Variants in UROS observed in about 807,000 individuals in gnomAD.
UROS encodes uroporphyrinogen III synthase.
Under a neutral mutation model 33.0 loss-of-function variants are expected in UROS, and 18 were observed. The ratio of observed to expected loss-of-function variants is 0.55; its 90% CI spans 0.38 to 0.81. UROS has a LOEUF of 0.81. UROS is among the 30% of genes least tolerant of loss of function. UROS has a pLI of 0.00. For synonymous variants in UROS, 114 were observed against 121.1 expected, an observed-to-expected ratio of 0.94 and a Z score of 0.38; for missense variants, 293 against 314.9, an observed-to-expected ratio of 0.93 and a Z score of 0.53.
At chr10:125,794,397 G>A (rs1851175454) in intron 9 of UROS, 1 of 1,007,950 alleles carries the variant, frequency 9.9e-7, no homozygotes, top group African/African-American at 1.7e-5. Flanking sequence ...TTCTATTACA[G>A]ACACAAGAGT....
At chr10:125,810,112 A>G (rs1460014177) in intron 5 of UROS, among the ~76,000 whole-genome samples, 2 of 152,114 alleles carry the variant, frequency 1.3e-5, no homozygotes, top group African/African-American at 4.8e-5. Context: ...GTGGCTCTTG[A>G]CTAGAGGGCT....
chr10:125,808,346 GC>G, intron 5 of UROS, among the ~76,000 whole-genome samples: 1 of 151,778 alleles, frequency 6.6e-6, no homozygotes, highest in Non-Finnish European at 1.5e-5. Flanking sequence ...AACACCAGCA[GC>G]TTTTAACTTA....
Position 125,799,769 on chromosome 10 carries a change from A to G in UROS, c.395-1624T>C, listed in dbSNP as rs138549327. 6.8e-4 allele frequency among the ~76,000 whole-genome samples: 103 copies of G among 152,352 alleles called. 1 individual carries two copies. The highest frequency in any genetic ancestry group is 3.9e-4 in the East Asian group (2 of 5,180). ...TTCACTGAAAAGGCACCACCCTGTC[A>G]GCAGAAAGGAGAAAATTGAAAATGT... On this transcript the variant is annotated intron_variant, in intron 6 of 9. Coordinates refer to ENST00000368797, the MANE Select transcript of UROS (RefSeq NM_000375.3).
chr10:125,816,384 C>T, intron 2 of UROS, 53 bp downstream of exon 2: 1 of 1,609,584 alleles, frequency 6.2e-7, no homozygotes, highest in Admixed American at 1.7e-5. Context: ...TGCTCCAGGC[C>T]CCTTGACTCA....
At chr10:125,795,035 T>G in intron 8 of UROS, 57 bp from the exon 9 acceptor site, 3 of 1,492,158 alleles carry the variant, frequency 2.0e-6, no homozygotes, top group Non-Finnish European at 1.9e-6. Flanking sequence ...AGAGACAACA[T>G]TCCTCCGGCT....
intron 6 of UROS, among the ~76,000 whole-genome samples, chr10:125,806,211 A>G (rs1036000402): frequency 6.6e-6 from 1 of 152,226 alleles, no homozygotes; most frequent in Non-Finnish European, 1.5e-5. Flanking sequence ...AAAGGCCAAC[A>G]TCACCTTTAG....
intron 5 of UROS, among the ~76,000 whole-genome samples, chr10:125,810,518 C>T (rs1852713692): frequency 1.3e-5 from 2 of 152,142 alleles, no homozygotes; most frequent in Non-Finnish European, 2.9e-5. Flanking sequence ...ACAGAGAAGC[C>T]CACTAAATCA....
In UROS at chr10:125,816,436, C is replaced by T. The variant is rs373864821; in HGVS notation, c.63+1G>A. ...GGGATAAGGAGTCTCAGGCCACTTACCCTGATATACGGATCCTGGCCACAG... is the reference window on the plus strand; with the variant it reads ...GGGATAAGGAGTCTCAGGCCACTTATCCTGATATACGGATCCTGGCCACAG... On this transcript the variant is annotated splice_donor_variant, in intron 2 of 9. Coordinates refer to ENST00000368797, the MANE Select transcript of UROS (RefSeq NM_000375.3). LOFTEE classifies it high-confidence loss of function. 47 of 1,614,000 alleles carry T rather than the reference C, an allele frequency of 2.9e-5. No individual in the cohort carries two copies. Among genetic ancestry groups the T allele is most frequent in the Non-Finnish European group, 4.0e-5 (47 of 1,179,988 alleles).
downstream of UROS, among the ~76,000 whole-genome samples, chr10:125,787,246 C>G (rs1850657703): frequency 6.6e-6 from 1 of 152,212 alleles, no homozygotes; most frequent in South Asian, 2.1e-4. Flanking sequence ...TGAAAAGGAA[C>G]CTATTTTCCC....
rs913776784 is a variant in UROS, at chr10:125,807,793, G to T, written c.320-306C>A. ...CACATGGAACTGTTTTAAGGATCGT[G>T]TCAGATAATAAGAGCAAAGTGCTTG... is the stretch of plus-strand genomic sequence containing the variant. On this transcript the variant is annotated intron_variant, in intron 5 of 9. Coordinates refer to ENST00000368797, the MANE Select transcript of UROS (RefSeq NM_000375.3). Among the ~76,000 whole-genome samples the T allele has an allele frequency of 5.9e-5, 9 of 152,220 alleles. 1 individual carries two copies. The highest frequency in any genetic ancestry group is 5.9e-4 in the Admixed American group (9 of 15,286).
chr10:125,814,738 T>C (rs1853145711), intron 4 of UROS, among the ~76,000 whole-genome samples: 1 of 152,150 alleles, frequency 6.6e-6, no homozygotes, highest in Non-Finnish European at 1.5e-5. Flanking sequence ...TTTTTCATCA[T>C]CTCTCTTTCA....
At chr10:125,822,377 C>A (rs1452614259) in intron 1 of UROS, among the ~76,000 whole-genome samples, 1 of 150,600 alleles carries the variant, frequency 6.6e-6, no homozygotes, top group African/African-American at 2.5e-5. Context: ...GTGTGGAGTG[C>A]GGTGGCGCGA....
Position 125,816,537 on chromosome 10 carries a change from C to T in UROS, c.-26-12G>A, listed in dbSNP as rs1853341309. 1.2e-6 allele frequency: 2 copies of T among 1,613,600 alleles called. No individual in the cohort carries two copies. Among genetic ancestry groups the T allele is most frequent in the Non-Finnish European group, 1.7e-6 (2 of 1,179,702 alleles). On this transcript the variant is annotated splice_polypyrimidine_tract_variant and intron_variant, in intron 1 of 9. Transcript: ENST00000368797. ...GTCCTTATAGGGCACTGCGACAGAG[C>T]AAGGAAACAGATCTTAATTAGATCT...
At chr10:125,799,633 C>T (rs73379281) in intron 6 of UROS, among the ~76,000 whole-genome samples, 62 of 152,268 alleles carry the variant, frequency 4.1e-4, no homozygotes, top group African/African-American at 1.2e-3. Context: ...AAGGGGTACG[C>T]GGCTCCCTGA....
rs539787991 is a variant in UROS at position 125,799,875 on chromosome 10, G to A, written c.395-1730C>T. Among the ~76,000 whole-genome samples, 6 of 152,278 alleles carry A rather than the reference G, an allele frequency of 3.9e-5. No homozygotes were observed. In the East Asian group the frequency reaches 9.7e-4, roughly 25 times the overall value. On this transcript the variant is annotated intron_variant, in intron 6 of 9. Transcript: ENST00000368797. ...AACTAGCCCACTTCAAAAAGCCAAA[G>A]ACAAAGGAGTTATTCCCTTTTGGAA...
intron 1 of UROS, chr10:125,816,769 A>C (rs1284107287): frequency 1.8e-6 from 1 of 566,798 alleles, no homozygotes. Flanking sequence ...CATTAGTGAA[A>C]GCCAAGTGTC....
intron 9 of UROS, chr10:125,793,361 A>T (rs1480630444): frequency 2.7e-5 from 4 of 150,900 alleles, no homozygotes; most frequent in African/African-American, 9.8e-5. Context: ...GGTGGGGTGG[A>T]GGTGGGGACT....
intron 9 of UROS, 38 bp downstream of exon 9, chr10:125,794,840 AAG>A: frequency 6.4e-7 from 1 of 1,555,726 alleles, no homozygotes; most frequent in Non-Finnish European, 8.8e-7. Context: ...AAAAAAAAAA[AAG>A]AATCTGAAAA....
chr10:125,802,843 C>G, intron 6 of UROS: 1 of 1,502,914 alleles, frequency 6.7e-7, no homozygotes, highest in Non-Finnish European at 8.9e-7. Context: ...GAGTTGAGGT[C>G]AGGAGGTCCC....
Sources: gnomAD v4.1 joint callset for allele counts (sites outside exome capture counted in the v4.1 genomes callset) on GRCh38, gnomAD v4.1.1 for gene constraint, MANE v1.5 for transcripts, NCBI Gene and HGNC (gene_info 2026-07-23, HGNC 2026-07-21) for gene names.